The following DOCK8 variants were observed in gnomAD, a reference collection of about 807,000 sequenced individuals.
DOCK8 encodes dedicator of cytokinesis 8.
Under a neutral mutation model 245.6 loss-of-function variants are expected in DOCK8, and 141 were observed. That is an observed-to-expected ratio of 0.57 (90% CI 0.50 to 0.66). The LOEUF is 0.66. DOCK8 is among the 30% of genes least tolerant of loss of function. The pLI is 0.00. For missense variants in DOCK8, 2,965 were observed against 2,603.4 expected, an observed-to-expected ratio of 1.14 and a Z score of -3.02; for synonymous variants, 1,168 against 970.2, an observed-to-expected ratio of 1.20 and a Z score of -3.79.
At chr9:258,358 T>C (rs941629240) in intron 1 of DOCK8, among the ~76,000 whole-genome samples, 1 of 149,588 alleles carries the variant, frequency 6.7e-6, no homozygotes, top group Non-Finnish European at 1.5e-5. Context: ...GGCCTCTAAA[T>C]TGGCCAAGGA....
In DOCK8 at chr9:368,114, A is replaced by C; in HGVS notation, c.1776A>C (p.Glu592Asp). 1 of 1,614,158 alleles carries C rather than the reference A, an allele frequency of 6.2e-7. No homozygotes were observed. Among genetic ancestry groups the C allele is most frequent in the African/African-American group, 1.3e-5 (1 of 75,060 alleles). The change falls in exon 15 of 48, where the codon GAA (glutamate) becomes GAC (aspartate). Residue 592 changes from glutamate (E) to aspartate (D), a missense_variant. By Grantham distance (45) the Glu-to-Asp change is conservative. Transcript: ENST00000432829. The part of the protein sequence containing the change: ...ITIKIQFMCG[E>D]DASNAMPVIF... ...TAAAGATCCAGTTTATGTGTGGAGA[A>C]GATGCTAGCAATGCGATGCCGGTAA...
intron 1 of DOCK8, among the ~76,000 whole-genome samples, chr9:231,363 T>G (rs1484589128): frequency 6.6e-6 from 1 of 152,168 alleles, no homozygotes; most frequent in African/African-American, 2.4e-5. Context: ...TCTTTTGGCT[T>G]AGGATTGACT....
At chr9:440,232 C>A (rs991694880) in intron 40 of DOCK8, among the ~76,000 whole-genome samples, 4 of 152,142 alleles carry the variant, frequency 2.6e-5, no homozygotes, top group Non-Finnish European at 5.9e-5. Flanking sequence ...GTTGGCCAGG[C>A]TGGTCTCAAA....
intron 2 of DOCK8, among the ~76,000 whole-genome samples, chr9:283,560 A>G (rs1295106807): frequency 6.6e-6 from 1 of 151,732 alleles, no homozygotes; most frequent in Non-Finnish European, 1.5e-5. Flanking sequence ...CCATCTTCCC[A>G]CCTCTCCAAG....
intron 7 of DOCK8, among the ~76,000 whole-genome samples, chr9:323,602 C>T (rs938138178): frequency 6.6e-6 from 1 of 152,176 alleles, no homozygotes; most frequent in Non-Finnish European, 1.5e-5. Context: ...CACCACCATC[C>T]ATCTCCAGGA....
intron 18 of DOCK8, among the ~76,000 whole-genome samples, chr9:373,366 C>T (rs772071100): frequency 6.6e-6 from 1 of 152,154 alleles, no homozygotes; most frequent in Non-Finnish European, 1.5e-5. Flanking sequence ...TTAACCATCA[C>T]AATACCATTG....
chr9:312,368 A>G (rs776934883), intron 6 of DOCK8: 62 of 704,432 alleles, frequency 8.8e-5, no homozygotes, highest in African/African-American at 7.3e-4. Flanking sequence ...TGGGATTCTG[A>G]TAATAATAAC....
intron 23 of DOCK8, among the ~76,000 whole-genome samples, chr9:388,887 A>G (rs188112038): frequency 6.6e-6 from 1 of 152,310 alleles, no homozygotes; most frequent in African/African-American, 2.4e-5. Context: ...GTCAAGAGCA[A>G]TGTTTGCTGT....
At position 217,495 on chromosome 9, in the gene DOCK8, A is replaced by C. The variant is rs143429960; in HGVS notation, c.53+2466A>C. Among the ~76,000 whole-genome samples the C allele has an allele frequency of 5.2e-3, 799 of 152,294 alleles. 9 individuals carry two copies. The highest frequency in any genetic ancestry group is 0.018 in the African/African-American group (765 of 41,554). On this transcript the variant is annotated intron_variant, in intron 1 of 47. Transcript: ENST00000432829. ...AAATCTGATCAAGAAGAGCCCCCTCAAGTTTAATAAAGTATAAAAGGTTCT... is the reference window on the plus strand; with the variant it reads ...AAATCTGATCAAGAAGAGCCCCCTCCAGTTTAATAAAGTATAAAAGGTTCT...
At position 434,523 on chromosome 9, in the gene DOCK8, T is replaced by C. The variant is rs1187336722; in HGVS notation, c.4887-260T>C. ...CTGAGAGCCATTAAAATAGACATCA[T>C]GTTATCAGGTATTTTTTCCCCATAA... On this transcript the variant is annotated intron_variant, in intron 38 of 47. Transcript: ENST00000432829. Among the ~76,000 whole-genome samples the C allele has an allele frequency of 3.9e-5, 6 of 152,198 alleles. No homozygotes were observed. In the East Asian group the frequency reaches 1.2e-3, roughly 29 times the overall value.
intron 1 of DOCK8, among the ~76,000 whole-genome samples, chr9:224,191 G>T (rs944620965): frequency 3.9e-5 from 6 of 152,110 alleles, no homozygotes; most frequent in African/African-American, 1.4e-4. Flanking sequence ...CATTCTGACA[G>T]TGTTTTTCAA....
intron 21 of DOCK8, 35 bp from the exon 22 acceptor site, chr9:382,476 CCT>C (rs776540715): frequency 1.3e-5 from 21 of 1,612,414 alleles, no homozygotes; most frequent in African/African-American, 8.0e-5. Context: ...ACTCTGTTCC[CCT>C]GTCTGTTGAC....
At position 404,991 on chromosome 9, in the gene DOCK8, A is replaced by C. The variant is rs1325671079; in HGVS notation, c.3308A>C (p.His1103Pro). 1 of 1,614,052 alleles carries C rather than the reference A, an allele frequency of 6.2e-7. No individual in the cohort carries two copies. The change falls in exon 27 of 48, where the codon CAT becomes CCT. Residue 1103 changes from histidine to proline, a missense_variant. Coordinates refer to ENST00000432829, the MANE Select transcript of DOCK8 (RefSeq NM_203447.4). The part of the protein sequence containing the change: ...RLEFLRILCS[H>P]EHYLNLNLFF... ...GAGTTCCTGAGAATCCTCTGTAGCCATGAGCATTACCTCAATCTGAACCTT... is the reference window on the plus strand; with the variant it reads ...GAGTTCCTGAGAATCCTCTGTAGCCCTGAGCATTACCTCAATCTGAACCTT...
chr9:217,003 GAGTTGATCAT>G (rs2046771499), intron 1 of DOCK8, among the ~76,000 whole-genome samples: 1 of 152,166 alleles, frequency 6.6e-6, no homozygotes, highest in African/African-American at 2.4e-5. Context: ...GTGCCAAGTA[GAGTTGATCAT>G]AGTACCTACT....
chr9:361,251 G>C (rs754891773), intron 14 of DOCK8, among the ~76,000 whole-genome samples: 4 of 152,154 alleles, frequency 2.6e-5, no homozygotes, highest in Non-Finnish European at 2.9e-5. Flanking sequence ...AAGAGAGGCA[G>C]AGAGACTTAC....
chr9:417,167 C>T (rs910098785), intron 29 of DOCK8, among the ~76,000 whole-genome samples: 15 of 152,204 alleles, frequency 9.9e-5, no homozygotes, highest in African/African-American at 3.4e-4. Context: ...TGGTGGCGCA[C>T]CTGTAATCCC....
At chr9:334,494 G>A in intron 11 of DOCK8, 110 bp downstream of exon 11, 2 of 1,187,856 alleles carry the variant, frequency 1.7e-6, no homozygotes, top group Non-Finnish European at 1.2e-6. Context: ...GAAGTGGGGA[G>A]GCAGAAGGAG....
chr9:400,193 T>TCACCACCACCTC (rs2054778683), intron 26 of DOCK8, among the ~76,000 whole-genome samples: 2 of 46,912 alleles, frequency 4.3e-5, no homozygotes, highest in Non-Finnish European at 9.4e-5. Flanking sequence ...TCCTTCACCA[T>TCACCACCACCTC]CACCATCACC....
chr9:249,784 A>AT (rs5895836), intron 1 of DOCK8, among the ~76,000 whole-genome samples: 45,958 of 141,786 alleles, frequency 0.32, 7,608 homozygotes, highest in East Asian at 0.39. Context: ...TGCCTGGCTA[A>AT]TTTTTTTTTT....
Sources: allele counts gnomAD v4.1 joint callset (sites outside exome capture counted in the v4.1 genomes callset), GRCh38; gene constraint gnomAD v4.1.1; transcripts MANE v1.5; gene names NCBI Gene and HGNC (gene_info 2026-07-23, HGNC 2026-07-21).